TRIM71: variants seen among roughly 807,000 people sequenced by gnomAD.
TRIM71 encodes E3 ubiquitin-protein ligase TRIM71.
TRIM71 carries 9 observed loss-of-function variants against 61.2 expected under a neutral mutation model. That is an observed-to-expected ratio of 0.15 (90% CI 0.09 to 0.26). The LOEUF (loss-of-function observed/expected upper bound fraction) is 0.26. Among genes scored for constraint, TRIM71 ranks in the 10% least tolerant of loss-of-function variants. The pLI is 1.00. For synonymous variants in TRIM71, 645 were observed against 553.2 expected, an observed-to-expected ratio of 1.17 and a Z score of -2.33; for missense variants, 998 against 1,238.7, an observed-to-expected ratio of 0.81 and a Z score of 2.92.
Position 32,818,863 on chromosome 3 carries a change from C to T in TRIM71, c.783C>T (p.Pro261=). ...AQQLGLGPPF[P]GPPFSILSVF... ...AGCTCGGGCTCGGGCCGCCCTTTCCCGGCCCGCCCTTCTCCATCCTCTCAG... is the reference window on the plus strand; with the variant it reads ...AGCTCGGGCTCGGGCCGCCCTTTCCTGGCCCGCCCTTCTCCATCCTCTCAG... Residue 261 remains proline, a synonymous_variant, in exon 1 of 4, where the codon CCC becomes CCT. Coordinates refer to ENST00000383763, the MANE Select transcript of TRIM71 (RefSeq NM_001039111.3). 2 of 1,612,398 alleles carry T rather than the reference C, an allele frequency of 1.2e-6. No individual in the cohort carries two copies. Among genetic ancestry groups the T allele is most frequent in the Non-Finnish European group, 1.7e-6 (2 of 1,179,770 alleles).
At chr3:32,847,004 C>G (rs904957130) in intron 1 of TRIM71, among the ~76,000 whole-genome samples, 1 of 151,976 alleles carries the variant, frequency 6.6e-6, no homozygotes, top group African/African-American at 2.4e-5. Context: ...GGTATATATA[C>G]CCAGAAGTGG....
chr3:32,868,721 T>C (rs1170835704), intron 1 of TRIM71, among the ~76,000 whole-genome samples: 1 of 152,028 alleles, frequency 6.6e-6, no homozygotes, highest in African/African-American at 2.4e-5. Flanking sequence ...TTGCTTGTAT[T>C]ACTTTCTGCA....
intron 1 of TRIM71, among the ~76,000 whole-genome samples, chr3:32,826,844 G>A (rs992840945): frequency 2.6e-5 from 4 of 151,982 alleles, no homozygotes; most frequent in Non-Finnish European, 5.9e-5. Context: ...CTCACTGCAA[G>A]CTCTGCCTCC....
At chr3:32,836,927 A>G (rs1696340744) in intron 1 of TRIM71, among the ~76,000 whole-genome samples, 1 of 152,192 alleles carries the variant, frequency 6.6e-6, no homozygotes, top group Non-Finnish European at 1.5e-5. Flanking sequence ...AGGTCTTGTT[A>G]CAAACGACCC....
intron 1 of TRIM71, among the ~76,000 whole-genome samples, chr3:32,836,656 G>A (rs1696338074): frequency 6.6e-6 from 1 of 152,236 alleles, no homozygotes; most frequent in African/African-American, 2.4e-5. Context: ...TGTTCTGTCT[G>A]TTAGTGAATG....
chr3:32,871,601 T>C (rs6550169), intron 1 of TRIM71, among the ~76,000 whole-genome samples: 92,077 of 152,082 alleles, frequency 0.61, 28,974 homozygotes, highest in African/African-American at 0.8. Flanking sequence ...AAAAAGGGAT[T>C]GGCCAGGAAT....
intron 2 of TRIM71, among the ~76,000 whole-genome samples, chr3:32,879,067 G>A (rs778831573): frequency 2.0e-5 from 3 of 151,934 alleles, no homozygotes; most frequent in Admixed American, 1.3e-4. Context: ...ACACATATAT[G>A]TTTTGGAGAT....
intron 1 of TRIM71, among the ~76,000 whole-genome samples, chr3:32,858,898 A>G (rs766051478): frequency 2.0e-5 from 3 of 152,278 alleles, no homozygotes; most frequent in East Asian, 1.9e-4. Context: ...TGATTGTTTC[A>G]CCAGCTAAGA....
At chr3:32,851,181 T>G (rs901709520) in intron 1 of TRIM71, among the ~76,000 whole-genome samples, 12 of 152,202 alleles carry the variant, frequency 7.9e-5, no homozygotes, top group African/African-American at 2.9e-4. Context: ...TTGATAAGCC[T>G]TACGTCTCAA....
intron 1 of TRIM71, among the ~76,000 whole-genome samples, chr3:32,850,650 G>A (rs1476224670): frequency 6.6e-6 from 1 of 152,182 alleles, no homozygotes; most frequent in Non-Finnish European, 1.5e-5. Flanking sequence ...AACCTTTAAG[G>A]AAGACTAGCT....
chr3:32,885,241 A>G (rs1456309705), intron 2 of TRIM71, among the ~76,000 whole-genome samples: 4 of 152,218 alleles, frequency 2.6e-5, no homozygotes, highest in Admixed American at 6.5e-5. Flanking sequence ...TATCTCAACC[A>G]TGTAATATTA....
chr3:32,877,265 G>A (rs1211969217), intron 2 of TRIM71, among the ~76,000 whole-genome samples: 1 of 152,020 alleles, frequency 6.6e-6, no homozygotes, highest in African/African-American at 2.4e-5. Flanking sequence ...CACCACTCCC[G>A]ACTAATTTTT....
chr3:32,875,850 T>C (rs1696847119), intron 2 of TRIM71, among the ~76,000 whole-genome samples: 1 of 152,102 alleles, frequency 6.6e-6, no homozygotes, highest in Non-Finnish European at 1.5e-5. Flanking sequence ...AAATCCGTTT[T>C]GAAAGTGCTA....
chr3:32,879,672 TAAAAA>T (rs34024813), intron 2 of TRIM71, among the ~76,000 whole-genome samples: 2 of 148,010 alleles, frequency 1.4e-5, no homozygotes, highest in Non-Finnish European at 3.0e-5. Flanking sequence ...TTCAATTTCT[TAAAAA>T]AAAAAAAAAA....
intron 1 of TRIM71, among the ~76,000 whole-genome samples, chr3:32,854,511 C>T (rs1257810880): frequency 6.6e-6 from 1 of 152,152 alleles, no homozygotes; most frequent in Non-Finnish European, 1.5e-5. Context: ...GAATGTAATC[C>T]ATGAATGAGA....
At chr3:32,841,678 G>T (rs1006164560) in intron 1 of TRIM71, among the ~76,000 whole-genome samples, 2 of 152,090 alleles carry the variant, frequency 1.3e-5, no homozygotes, top group African/African-American at 4.8e-5. Context: ...GTTTAGTGCC[G>T]TACATTCTTT....
At chr3:32,875,723 C>T (rs149480959) in intron 2 of TRIM71, among the ~76,000 whole-genome samples, 3 of 152,188 alleles carry the variant, frequency 2.0e-5, no homozygotes, top group African/African-American at 7.2e-5. Flanking sequence ...GTAATCCCAG[C>T]TACTTGTGGG....
intron 1 of TRIM71, among the ~76,000 whole-genome samples, chr3:32,872,394 A>G (rs1696806645): frequency 6.6e-6 from 1 of 152,070 alleles, no homozygotes; most frequent in African/African-American, 2.4e-5. Context: ...TTTCTAGTGG[A>G]CACACTTTAT....
intron 1 of TRIM71, among the ~76,000 whole-genome samples, chr3:32,844,840 C>T (rs1696454452): frequency 6.6e-6 from 1 of 152,166 alleles, no homozygotes; most frequent in Non-Finnish European, 1.5e-5. Context: ...AAAAGATAGC[C>T]AGTGGAGACA....
Sources: gnomAD v4.1 joint callset for allele counts (sites outside exome capture counted in the v4.1 genomes callset) on GRCh38, gnomAD v4.1.1 for gene constraint, MANE v1.5 for transcripts, NCBI Gene and HGNC (gene_info 2026-07-23, HGNC 2026-07-21) for gene names.